Variants in PDE4D observed in about 807,000 individuals in gnomAD.
PDE4D encodes phosphodiesterase 4D.
In PDE4D, 24 loss-of-function variants were observed where a neutral mutation model predicts 87.4. The ratio of observed to expected loss-of-function variants is 0.27; its 90% CI spans 0.20 to 0.39. The LOEUF is 0.39. Ranked by LOEUF, PDE4D falls within the 10% of genes least tolerant of loss-of-function variation. PDE4D has a pLI of 1.00. For missense variants in PDE4D, 714 were observed against 1,041.0 expected, an observed-to-expected ratio of 0.69 and a Z score of 4.32; for synonymous variants, 384 against 383.2, an observed-to-expected ratio of 1.00 and a Z score of -0.02.
rs527446311 is a variant in PDE4D, at chr5:59,298,055, G to A, written c.456-82087C>T. Among the ~76,000 whole-genome samples the A allele has an allele frequency of 1.3e-4, 19 of 151,780 alleles. No individual in the cohort carries two copies. The South Asian group carries it at 4.0e-3, about 32-fold the overall frequency. On this transcript the variant is annotated intron_variant, in intron 1 of 14. Transcript: ENST00000340635. ...GTGAGGGGAGGTACTGGAGCTTGGG[G>A]TAGAAGAACACAACAAAAATATGAT...
rs542107774 is a variant in PDE4D, at chr5:59,041,293, G to A, written c.809-2322C>T. 3.3e-5 allele frequency among the ~76,000 whole-genome samples: 5 copies of A among 152,216 alleles called. No individual in the cohort carries two copies. The South Asian group carries it at 1.0e-3, about 32-fold the overall frequency. On this transcript the variant is annotated intron_variant, in intron 5 of 14. Transcript: ENST00000340635. ...ATTGAAGCATTACACACAAATATAG[G>A]AAGTCCATTGTAACCCCACACCCTA...
chr5:59,145,274 T>G (rs1468268434), intron 5 of PDE4D, among the ~76,000 whole-genome samples: 1 of 152,142 alleles, frequency 6.6e-6, no homozygotes, highest in East Asian at 1.9e-4. Flanking sequence ...AGTAAATATT[T>G]GGGAAAGTGA....
At chr5:59,858,052 G>A (rs1482428210) in intron 1 of PDE4D, among the ~76,000 whole-genome samples, 2 of 152,048 alleles carry the variant, frequency 1.3e-5, no homozygotes, top group African/African-American at 2.4e-5. Flanking sequence ...AGGCAGGCAG[G>A]AAGTCAAGCA....
chr5:60,193,761 A>T (rs1740852720), intron 1 of PDE4D, among the ~76,000 whole-genome samples: 1 of 151,466 alleles, frequency 6.6e-6, no homozygotes, highest in Non-Finnish European at 1.5e-5. Context: ...TAAAATAGTA[A>T]GTTAACAATA....
intron 1 of PDE4D, among the ~76,000 whole-genome samples, chr5:59,247,406 C>T (rs1338422083): frequency 6.6e-6 from 1 of 152,014 alleles, no homozygotes; most frequent in Non-Finnish European, 1.5e-5. Flanking sequence ...AAAAAGAGGC[C>T]CTGCCCATTG....
In PDE4D at chr5:60,117,829, C is replaced by T. The variant is rs796560062; in HGVS notation, c.42+67728G>A. Among the ~76,000 whole-genome samples, 47 of 151,468 alleles carry T rather than the reference C, an allele frequency of 3.1e-4. 1 individual carries two copies. Among genetic ancestry groups the T allele is most frequent in the African/African-American group, 1.1e-3 (45 of 40,976 alleles). The stretch of plus-strand genomic sequence containing the variant: ...CTAAACACAAACACACACACATACA[C>T]ACACACACACACACCACAGAGAGAC... On this transcript the variant is annotated intron_variant, in intron 2 of 16. Transcript: ENST00000502484.
At chr5:59,440,437 T>A (rs1025160940) in intron 1 of PDE4D, among the ~76,000 whole-genome samples, 4 of 152,194 alleles carry the variant, frequency 2.6e-5, no homozygotes, top group African/African-American at 7.2e-5. Context: ...TTACAACTAA[T>A]ATCTATTGAA....
In PDE4D at chr5:59,857,252, C is replaced by T. The variant is rs114382792; in HGVS notation, c.455+35916G>A. ...CGCATTTGTCCAGAGCAGGGGATACCTGTAACTTGCTTGGTATGGAGAATA... is the reference window on the plus strand; with the variant it reads ...CGCATTTGTCCAGAGCAGGGGATACTTGTAACTTGCTTGGTATGGAGAATA... On this transcript the variant is annotated intron_variant, in intron 1 of 14. Coordinates refer to ENST00000340635, the MANE Select transcript of PDE4D (RefSeq NM_001104631.2). Among the ~76,000 whole-genome samples the T allele has an allele frequency of 3.6e-3, 542 of 152,184 alleles. 5 individuals carry two copies. The highest frequency in any genetic ancestry group is 0.013 in the African/African-American group (520 of 41,524).
intron 1 of PDE4D, among the ~76,000 whole-genome samples, chr5:59,370,810 T>C (rs2153598355): frequency 6.6e-6 from 1 of 152,304 alleles, no homozygotes; most frequent in South Asian, 2.1e-4. Context: ...GAGAGCCATA[T>C]GAGATAAATA....
intron 2 of PDE4D, among the ~76,000 whole-genome samples, chr5:60,182,806 G>C (rs1250871743): frequency 6.6e-6 from 1 of 152,132 alleles, no homozygotes; most frequent in Non-Finnish European, 1.5e-5. Flanking sequence ...CGTGAACCAG[G>C]GAGGCGGAGC....
chr5:59,649,904 CCTTTT>C (rs1164355910), intron 1 of PDE4D, among the ~76,000 whole-genome samples: 2,650 of 73,944 alleles, frequency 0.036, 663 homozygotes, highest in Non-Finnish European at 0.041. Flanking sequence ...AGTTTGTGAA[CCTTTT>C]TTTTTTTTTT....
intron 1 of PDE4D, among the ~76,000 whole-genome samples, chr5:60,479,879 G>A (rs1046788657): frequency 6.6e-6 from 1 of 152,166 alleles, no homozygotes; most frequent in Non-Finnish European, 1.5e-5. Flanking sequence ...CTGACACCCT[G>A]AGTGACACCT....
At chr5:60,101,233 G>T (rs1355498996) in intron 2 of PDE4D, among the ~76,000 whole-genome samples, 1 of 152,010 alleles carries the variant, frequency 6.6e-6, no homozygotes, top group African/African-American at 2.4e-5. Context: ...CCTTCCTAGA[G>T]AAATGAAATG....
At chr5:59,964,861 T>A (rs1177987255) in intron 3 of PDE4D, among the ~76,000 whole-genome samples, 1 of 152,290 alleles carries the variant, frequency 6.6e-6, no homozygotes, top group East Asian at 1.9e-4. Context: ...CTGTATCCTG[T>A]GTACCTCGTC....
chr5:60,378,879 GAA>G (rs1047545726), intron 1 of PDE4D, among the ~76,000 whole-genome samples: 7 of 151,750 alleles, frequency 4.6e-5, no homozygotes, highest in African/African-American at 4.8e-5. Flanking sequence ...AAGAAAGAAA[GAA>G]AGAGAGAGAG....
intron 1 of PDE4D, among the ~76,000 whole-genome samples, chr5:59,617,469 G>T (rs1305682235): frequency 6.6e-6 from 1 of 152,168 alleles, no homozygotes; most frequent in Admixed American, 6.5e-5. Flanking sequence ...CTCCTCGTAC[G>T]TGAGAATGTG....
At chr5:59,661,074 T>TTATATATATATA (rs3062479) in intron 1 of PDE4D, among the ~76,000 whole-genome samples, 4,148 of 139,832 alleles carry the variant, frequency 0.03, 128 homozygotes, top group African/African-American at 0.077. Context: ...CATGATAATA[T>TTATATATATATA]TATATATATA....
chr5:60,386,591 G>A (rs1762209162), intron 1 of PDE4D, among the ~76,000 whole-genome samples: 1 of 152,178 alleles, frequency 6.6e-6, no homozygotes, highest in African/African-American at 2.4e-5. Context: ...CAGCACTGAT[G>A]GGCAGAAAGC....
chr5:59,914,312 G>A (rs1753763746), intron 3 of PDE4D, among the ~76,000 whole-genome samples: 2 of 152,106 alleles, frequency 1.3e-5, no homozygotes, highest in South Asian at 2.1e-4. Context: ...GGAAAGGTAA[G>A]GAGCCTGGGA....
Sources: allele counts gnomAD v4.1 joint callset (sites outside exome capture counted in the v4.1 genomes callset), GRCh38; gene constraint gnomAD v4.1.1; transcripts MANE v1.5; gene names NCBI Gene and HGNC (gene_info 2026-07-23, HGNC 2026-07-21).